The following CAVIN4 variants were observed in gnomAD, a reference collection of about 807,000 sequenced individuals.
CAVIN4 encodes the protein caveolae-associated protein 4.
CAVIN4 carries 10 observed loss-of-function variants against 18.6 expected under a neutral mutation model. The observed-to-expected ratio is 0.54, with a 90% CI of 0.33 to 0.91. The LOEUF (loss-of-function observed/expected upper bound fraction) is 0.91. Among genes scored for constraint, CAVIN4 ranks in the 40% least tolerant of loss-of-function variants. The pLI is 0.02. For missense variants in CAVIN4, 459 were observed against 440.5 expected (o/e 1.04, Z -0.38); for synonymous variants, 173 against 164.8 (o/e 1.05, Z -0.38).
intron 1 of CAVIN4, among the ~76,000 whole-genome samples, chr9:100,585,110 G>T (rs1173805792): frequency 2.0e-5 from 3 of 152,204 alleles, no homozygotes; most frequent in Non-Finnish European, 4.4e-5. Context: ...AAAATACTTA[G>T]TTGATGTTCT....
intron 1 of CAVIN4, among the ~76,000 whole-genome samples, chr9:100,584,574 A>G (rs1470669333): frequency 6.6e-6 from 1 of 152,250 alleles, no homozygotes; most frequent in Non-Finnish European, 1.5e-5. Flanking sequence ...TAAAGCTTCA[A>G]TTCAAACTGT....
In CAVIN4 at chr9:100,587,335, G is replaced by A. The variant is rs891332486; in HGVS notation, c.*884G>A. The A allele has an allele frequency of 5.9e-5, 9 of 152,276 alleles. No homozygotes were observed. The highest frequency in any genetic ancestry group is 2.2e-4 in the African/African-American group (9 of 41,548). 9.4% of individuals were successfully genotyped at this position (152,276 alleles called of 1,614,324 possible). A position where few individuals can be genotyped will look rare whatever the true frequency, so the allele number is the denominator to read the frequency against. On this transcript the variant is annotated 3_prime_UTR_variant, in exon 2 of 2. Coordinates refer to ENST00000307584, the MANE Select transcript of CAVIN4 (RefSeq NM_001018116.2). The stretch of plus-strand genomic sequence containing the variant: ...AATTTCCTTTTGATTAAGATCTTTG[G>A]TGGACTATAGCACTAAATTTGTTTA...
At position 100,585,992 on chromosome 9, in the gene CAVIN4, G is replaced by T; in HGVS notation, c.636G>T (p.Gln212His). 1 of 1,614,184 alleles carries T rather than the reference G, an allele frequency of 6.2e-7. No homozygotes were observed. The highest frequency in any genetic ancestry group is 1.1e-5 in the South Asian group (1 of 91,076). ...AAGAAAACATGCAGAAGACACGGCA[G>T]AATCTTGACAAGAAAGTGAACAGAA... ...FSKENMQKTR[Q>H]NLDKKVNRIR... The change falls in exon 2 of 2, where the codon CAG becomes CAT. Residue 212 changes from glutamine to histidine, a missense_variant. Physicochemically the swap from Gln to His is conservative, Grantham distance 24. Coordinates refer to ENST00000307584, the MANE Select transcript of CAVIN4 (RefSeq NM_001018116.2).
chr9:100,584,033 C>G (rs954138065), intron 1 of CAVIN4, among the ~76,000 whole-genome samples: 1 of 152,188 alleles, frequency 6.6e-6, no homozygotes, highest in Admixed American at 6.5e-5. Flanking sequence ...CCTGCTATCT[C>G]TCTTACCCTC....
At chr9:100,584,029 AT>A (rs1839453035) in intron 1 of CAVIN4, among the ~76,000 whole-genome samples, 2 of 152,004 alleles carry the variant, frequency 1.3e-5, no homozygotes, top group Admixed American at 1.3e-4. Flanking sequence ...ACCACCTGCT[AT>A]CTCTCTTACC....
chr9:100,582,677 T>C (rs1162028001), intron 1 of CAVIN4, among the ~76,000 whole-genome samples: 4 of 152,198 alleles, frequency 2.6e-5, no homozygotes, highest in Non-Finnish European at 5.9e-5. Flanking sequence ...CTTCTGGGGT[T>C]ACTCCTCTCT....
Position 100,587,816 on chromosome 9 carries a change from G to C in CAVIN4, c.*1365G>C, listed in dbSNP as rs1839498992. On this transcript the variant is annotated 3_prime_UTR_variant, in exon 2 of 2. Transcript: ENST00000307584. Reference sequence around the variant, plus strand: ...GAGACAGGAGAATTGCCTGAACCCAGGAGGCGGAGGTTGCAGTGAGCCGAG... The same window carrying C: ...GAGACAGGAGAATTGCCTGAACCCACGAGGCGGAGGTTGCAGTGAGCCGAG... 3 of 152,216 alleles carry C rather than the reference G, an allele frequency of 2.0e-5. No individual in the cohort carries two copies. Among genetic ancestry groups the C allele is most frequent in the African/African-American group, 7.2e-5 (3 of 41,428 alleles). The allele number at this position is 152,216 out of a possible 1,614,324, so 9.4% of individuals were successfully genotyped here. A position where few individuals can be genotyped will look rare whatever the true frequency, so the allele number is the denominator to read the frequency against.
rs111654996 is a variant in CAVIN4 at position 100,586,616 on chromosome 9, A to G, written c.*165A>G. On this transcript the variant is annotated 3_prime_UTR_variant, in exon 2 of 2. Transcript: ENST00000307584. ...ATAAATATTATTATCACTCTTTCTC[A>G]TGGCAGCTGTGGATTTTTTAGTTCC... 32 of 492,542 alleles carry G rather than the reference A, an allele frequency of 6.5e-5. No individual in the cohort carries two copies. Among genetic ancestry groups the G allele is most frequent in the African/African-American group, 5.4e-4 (27 of 50,448 alleles). 30.5% of individuals were successfully genotyped at this position (492,542 alleles called of 1,614,324 possible).
intron 1 of CAVIN4, among the ~76,000 whole-genome samples, chr9:100,579,398 G>A (rs1331624152): frequency 6.6e-6 from 1 of 152,026 alleles, no homozygotes; most frequent in Non-Finnish European, 1.5e-5. Context: ...GTCATTATCA[G>A]GCAGTTTACA....
At position 100,586,188 on chromosome 9, in the gene CAVIN4, A is replaced by G. The variant is rs757138375; in HGVS notation, c.832A>G (p.Lys278Glu). 7 of 1,560,676 alleles carry G rather than the reference A, an allele frequency of 4.5e-6. No individual in the cohort carries two copies. The highest frequency in any genetic ancestry group is 6.1e-6 in the Non-Finnish European group (7 of 1,156,690). Residue 278 changes from lysine (K) to glutamate (E), a missense_variant, in exon 2 of 2, where the codon AAG (lysine) becomes GAG (glutamate). Coordinates refer to ENST00000307584, the MANE Select transcript of CAVIN4 (RefSeq NM_001018116.2). ...TAAGATGCGCAGCCTCAGGAAAGGT[A>G]AGGACCGAACAGTGGCTGAAGGTGA... ...AFKMRSLRKG[K>E]DRTVAEGEEC...
rs1839480623 is a variant in CAVIN4 at position 100,586,389 on chromosome 9, A to G, written c.1033A>G (p.Lys345Glu). Residue 345 changes from lysine (K) to glutamate (E), a missense_variant, in exon 2 of 2, where the codon AAA becomes GAA. Transcript: ENST00000307584. ...PTPEPLKVTF[K>E]SQVKVEDDES... ...CCCCGAGCCTTTAAAAGTTACTTTT[A>G]AATCTCAGGTGAAAGTAGAGGATGA... 6.2e-7 allele frequency: 1 copy of G among 1,614,048 alleles called. No homozygotes were observed. The highest frequency in any genetic ancestry group is 1.1e-5 in the South Asian group (1 of 91,086).
Position 100,586,422 on chromosome 9 carries a change from CT to C in CAVIN4, c.1070del (p.Leu357CysfsTer2). ...GGTGAAAGTAGAGGATGATGAATCT[CT>C]TTTGTTAGATTTAAAGCACTCATCG... is the stretch of plus-strand genomic sequence containing the variant. ...SQVKVEDDESLLLDLKHSS is the reference protein window; with the variant it reads ...SQVKVEDDESXLLDLKHSS On this transcript the variant is annotated frameshift_variant, in exon 2 of 2. Transcript: ENST00000307584. 3 of 1,613,794 alleles carry C rather than the reference CT, an allele frequency of 1.9e-6. No homozygotes were observed. The highest frequency in any genetic ancestry group is 2.2e-5 in the East Asian group (1 of 44,884).
chr9:100,582,373 T>A (rs1035228608), intron 1 of CAVIN4, among the ~76,000 whole-genome samples: 5 of 152,104 alleles, frequency 3.3e-5, no homozygotes, highest in Non-Finnish European at 7.3e-5. Context: ...AGAGACAGGG[T>A]CTTGGTCTGT....
At chr9:100,579,832 A>G (rs1322092827) in intron 1 of CAVIN4, among the ~76,000 whole-genome samples, 3 of 152,232 alleles carry the variant, frequency 2.0e-5, no homozygotes, top group Non-Finnish European at 4.4e-5. Flanking sequence ...GATGTGGCCC[A>G]TAACTCCCCG....
At chr9:100,579,108 A>T (rs973428056) in intron 1 of CAVIN4, among the ~76,000 whole-genome samples, 44 of 152,314 alleles carry the variant, frequency 2.9e-4, no homozygotes, top group African/African-American at 1.0e-3. Flanking sequence ...TGAGGCAATT[A>T]TTTTTCTTAT....
In CAVIN4 at chr9:100,586,373, T is replaced by C. The variant is rs1274193146; in HGVS notation, c.1017T>C (p.Pro339=). 2 of 1,613,992 alleles carry C rather than the reference T, an allele frequency of 1.2e-6. No homozygotes were observed. The highest frequency in any genetic ancestry group is 1.3e-5 in the African/African-American group (1 of 74,892). The change falls in exon 2 of 2, where the codon CCT becomes CCC. Residue 339 remains proline (P), a synonymous_variant. Transcript: ENST00000307584. ...GAAGGGAAATCCCCACCCCCGAGCC[T>C]TTAAAAGTTACTTTTAAATCTCAGG... ...HEGREIPTPE[P]LKVTFKSQVK... is the part of the protein sequence containing the mutation.
At position 100,578,371 on chromosome 9, in the gene CAVIN4, A is replaced by G. The variant is rs1485896118; in HGVS notation, c.228A>G (p.Ser76=). 1 of 1,614,056 alleles carries G rather than the reference A, an allele frequency of 6.2e-7. No individual in the cohort carries two copies. The highest frequency in any genetic ancestry group is 2.2e-5 in the East Asian group (1 of 44,896). ...TCCAGATTGACCTGTTGAAGCTTTC[A>G]CAGTCGCATAGCAATACAGGGCATA... ...KSVQIDLLKL[S]QSHSNTGHII... The change falls in exon 1 of 2, where the codon TCA becomes TCG. Residue 76 remains serine (S), a synonymous_variant. Transcript: ENST00000307584.
chr9:100,582,429 T>A (rs1374030850), intron 1 of CAVIN4, among the ~76,000 whole-genome samples: 1 of 152,160 alleles, frequency 6.6e-6, no homozygotes, highest in Non-Finnish European at 1.5e-5. Context: ...CACTGCAGCC[T>A]CCAACTGCTG....
rs1474652525 is a variant in CAVIN4, at chr9:100,586,112, GGA to G, written c.760_761del (p.Arg254ValfsTer2). On this transcript the variant is annotated frameshift_variant, in exon 2 of 2. Coordinates refer to ENST00000307584, the MANE Select transcript of CAVIN4 (RefSeq NM_001018116.2). ...CAGGGGAGAGGCTGAGACAGTCAGG[GGA>G]GAGGTTTAAGAAATCTATTTCTAAT... ...QSGERLRQSG[E>X]RFKKSISNAA... 1 of 1,601,276 alleles carries G rather than the reference GGA, an allele frequency of 6.2e-7. No homozygotes were observed. Among genetic ancestry groups the G allele is most frequent in the South Asian group, 1.1e-5 (1 of 89,220 alleles).
Sources: gnomAD v4.1 joint callset for allele counts (sites outside exome capture counted in the v4.1 genomes callset) on GRCh38, gnomAD v4.1.1 for gene constraint, MANE v1.5 for transcripts, NCBI Gene and HGNC (gene_info 2026-07-23, HGNC 2026-07-21) for gene names.